EDAR: variants seen among roughly 807,000 people sequenced by gnomAD.
EDAR encodes tumor necrosis factor receptor superfamily member EDAR.
In EDAR, 38 loss-of-function variants were observed where a neutral mutation model predicts 51.3. That is an observed-to-expected ratio of 0.74 (90% CI 0.57 to 0.97). The LOEUF (loss-of-function observed/expected upper bound fraction) is 0.97. EDAR is among the 50% of genes least tolerant of loss of function. The probability of loss-of-function intolerance (pLI) is 0.00; values close to 1 mark genes in which losing one functional copy is unlikely to be tolerated. For missense variants in EDAR, 528 were observed against 595.0 expected (o/e 0.89, Z 1.17); for synonymous variants, 227 against 242.1 (o/e 0.94, Z 0.58).
At chr2:108,954,927 G>A (rs142200955) in intron 1 of EDAR, among the ~76,000 whole-genome samples, 1,588 of 152,146 alleles carry the variant, frequency 0.01, 24 homozygotes, top group African/African-American at 0.036. Context: ...CAGGTGATCC[G>A]TCTGCCTCAG....
intron 1 of EDAR, among the ~76,000 whole-genome samples, chr2:108,984,984 G>C (rs1698473790): frequency 6.6e-6 from 1 of 152,302 alleles, no homozygotes; most frequent in East Asian, 1.9e-4. Context: ...AAGAGATTTG[G>C]TAACCATCTG....
rs185877518 is a variant in EDAR at position 108,965,405 on chromosome 2, C to T, written c.-19+23555G>A. On this transcript the variant is annotated intron_variant, in intron 1 of 11. Coordinates refer to ENST00000258443, the MANE Select transcript of EDAR (RefSeq NM_022336.4). ...CTGAGGCAGGAGAATGGCATGAACC[C>T]GGGAGGCCGAGGTCACGCCACTGCA... 4.6e-3 allele frequency among the ~76,000 whole-genome samples: 678 copies of T among 147,152 alleles called. 10 individuals are homozygous for T. The highest frequency in any genetic ancestry group is 0.016 in the African/African-American group (642 of 39,994).
chr2:108,942,765 C>A (rs1251088185), intron 1 of EDAR, among the ~76,000 whole-genome samples: 1 of 152,258 alleles, frequency 6.6e-6, no homozygotes, highest in Non-Finnish European at 1.5e-5. Flanking sequence ...TGGACTCTCA[C>A]GAAGGTTCGT....
chr2:108,967,677 A>C (rs1698170940), intron 1 of EDAR, among the ~76,000 whole-genome samples: 1 of 152,158 alleles, frequency 6.6e-6, no homozygotes. Flanking sequence ...AATTGCTTCA[A>C]TTTTACTTCA....
chr2:108,930,893 A>C, intron 2 of EDAR, 71 bp downstream of exon 2: 9 of 1,537,494 alleles, frequency 5.9e-6, no homozygotes, highest in Non-Finnish European at 8.1e-6. Context: ...TTACAGCTGA[A>C]GAGGCCAAGA....
At chr2:108,932,613 G>C (rs1402764006) in intron 1 of EDAR, among the ~76,000 whole-genome samples, 2 of 151,746 alleles carry the variant, frequency 1.3e-5, no homozygotes, top group African/African-American at 4.8e-5. Flanking sequence ...AGCAGCCAGG[G>C]AACGGTGGAG....
intron 1 of EDAR, among the ~76,000 whole-genome samples, chr2:108,964,403 G>A (rs1698110431): frequency 6.6e-6 from 1 of 152,080 alleles, no homozygotes; most frequent in Non-Finnish European, 1.5e-5. Context: ...GAACTGTGAC[G>A]AAAAGGGATC....
intron 1 of EDAR, among the ~76,000 whole-genome samples, chr2:108,944,937 G>T (rs155219): frequency 2.0e-5 from 3 of 151,966 alleles, no homozygotes; most frequent in Non-Finnish European, 2.9e-5. Flanking sequence ...AGAAGGCCTA[G>T]GGTGTCCCTG....
At chr2:108,910,394 G>T in intron 9 of EDAR, 66 bp downstream of exon 9, 1 of 1,349,328 alleles carries the variant, frequency 7.4e-7, no homozygotes, top group Non-Finnish European at 1.1e-6. Context: ...CTGCACCCTG[G>T]TTCCCCTCCC....
chr2:108,951,378 C>T (rs1281112964), intron 1 of EDAR, among the ~76,000 whole-genome samples: 1 of 152,170 alleles, frequency 6.6e-6, no homozygotes, highest in East Asian at 1.9e-4. Context: ...AGCTGGGCAG[C>T]ATTGTGTCCA....
At chr2:108,902,270 G>A (rs1026240558) in intron 11 of EDAR, among the ~76,000 whole-genome samples, 2 of 152,102 alleles carry the variant, frequency 1.3e-5, no homozygotes, top group Non-Finnish European at 2.9e-5. Context: ...CAGCTACTTG[G>A]GAGGCTGAGG....
At chr2:108,963,243 G>A (rs1698087235) in intron 1 of EDAR, among the ~76,000 whole-genome samples, 1 of 152,154 alleles carries the variant, frequency 6.6e-6, no homozygotes, top group Non-Finnish European at 1.5e-5. Flanking sequence ...TGTGGCCAAC[G>A]TAAAAGGGCT....
At chr2:108,959,662 C>T (rs1697999811) in intron 1 of EDAR, among the ~76,000 whole-genome samples, 1 of 152,178 alleles carries the variant, frequency 6.6e-6, no homozygotes, top group African/African-American at 2.4e-5. Context: ...TGGGACTCAG[C>T]TCTGGATGCC....
chr2:108,905,457 A>G (rs1696783332), intron 11 of EDAR, among the ~76,000 whole-genome samples: 1 of 131,412 alleles, frequency 7.6e-6, no homozygotes, highest in African/African-American at 2.9e-5. Context: ...CAGTATAGTT[A>G]TTTCTGGCCA....
At chr2:108,947,063 T>C (rs1252988719) in intron 1 of EDAR, among the ~76,000 whole-genome samples, 1 of 152,154 alleles carries the variant, frequency 6.6e-6, no homozygotes, top group African/African-American at 2.4e-5. Flanking sequence ...CAAGATACAA[T>C]GGAGATACAG....
chr2:108,943,931 G>T (rs1697661728), intron 1 of EDAR, among the ~76,000 whole-genome samples: 1 of 152,216 alleles, frequency 6.6e-6, no homozygotes, highest in South Asian at 2.1e-4. Context: ...CCAAAACAGG[G>T]AGACAGGTTT....
At chr2:108,936,455 G>A (rs1288264492) in intron 1 of EDAR, among the ~76,000 whole-genome samples, 1 of 135,798 alleles carries the variant, frequency 7.4e-6, no homozygotes, top group Non-Finnish European at 1.6e-5. Context: ...GCCTGTGTCT[G>A]GGAGGCAGCC....
At chr2:108,941,449 ACTGAGCTTCCAAACAGCTTCCC>A (rs1343518719) in intron 1 of EDAR, among the ~76,000 whole-genome samples, 1 of 152,146 alleles carries the variant, frequency 6.6e-6, no homozygotes, top group Non-Finnish European at 1.5e-5. Context: ...AGGCGGAGGC[ACTGAGCTTCCAAACAGCTTCCC>A]CTGAGCTGTT....
At chr2:108,956,559 G>A (rs1001622987) in intron 1 of EDAR, among the ~76,000 whole-genome samples, 18 of 152,190 alleles carry the variant, frequency 1.2e-4, no homozygotes, top group African/African-American at 4.3e-4. Flanking sequence ...AAGGCACAAG[G>A]CTCCCTTGGG....
Sources: gnomAD v4.1 joint callset for allele counts (sites outside exome capture counted in the v4.1 genomes callset) on GRCh38, gnomAD v4.1.1 for gene constraint, MANE v1.5 for transcripts, NCBI Gene and HGNC (gene_info 2026-07-23, HGNC 2026-07-21) for gene names.